The following TMPRSS12 variants were observed in gnomAD, a reference collection of about 807,000 sequenced individuals.
TMPRSS12 encodes transmembrane serine protease 12.
Under a neutral mutation model 26.0 loss-of-function variants are expected in TMPRSS12, and 25 were observed. That is an observed-to-expected ratio of 0.96 (90% CI 0.70 to 1.34). The LOEUF is 1.34. Ranked by LOEUF, TMPRSS12 falls within the 40% of genes most tolerant of loss-of-function variation. TMPRSS12 has a pLI of 0.00. For missense variants in TMPRSS12, 441 were observed against 440.1 expected (o/e 1.00, Z -0.02); for synonymous variants, 150 against 161.7 (o/e 0.93, Z 0.55).
intron 2 of TMPRSS12, among the ~76,000 whole-genome samples, chr12:50,857,802 TGTTGTC>T (rs202205467): frequency 6.8e-6 from 1 of 147,800 alleles, no homozygotes; most frequent in Non-Finnish European, 1.5e-5. Context: ...TTGTTGTTGT[TGTTGTC>T]GTTGTTGTCG....
chr12:50,883,840 C>T (rs1938197991), intron 3 of TMPRSS12, among the ~76,000 whole-genome samples: 2 of 151,950 alleles, frequency 1.3e-5, no homozygotes, highest in Non-Finnish European at 2.9e-5. Context: ...CCCATCCCTA[C>T]CAAAAATAAC....
At chr12:50,860,487 C>T (rs1937924308) in intron 3 of TMPRSS12, among the ~76,000 whole-genome samples, 1 of 152,202 alleles carries the variant, frequency 6.6e-6, no homozygotes, top group Non-Finnish European at 1.5e-5. Context: ...ATAATTATAG[C>T]TCACTGCAGC....
chr12:50,879,402 TAAAA>T (rs532692392), intron 3 of TMPRSS12, among the ~76,000 whole-genome samples: 1 of 152,208 alleles, frequency 6.6e-6, no homozygotes, highest in Non-Finnish European at 1.5e-5. Flanking sequence ...CAGCAGTGTA[TAAAA>T]AAAGATAATA....
rs200494193 is a variant in TMPRSS12, at chr12:50,887,506, C to G, written c.1040C>G (p.Thr347Arg). 1.0e-3 allele frequency: 1,611 copies of G among 1,610,946 alleles called. 8 individuals carry two copies. The highest frequency in any genetic ancestry group is 1.7e-3 in the Middle Eastern group (10 of 6,050). ...IALCFVILLA[T>R]T ...TTATGTTTTGTCATCTTACTAGCAA[C>G]AACATAAAGAAATTCTGAAGGCTTT... The change falls in exon 5 of 5, where the codon ACA becomes AGA. Residue 347 changes from threonine (T) to arginine (R), a missense_variant. By Grantham distance (71) the Thr-to-Arg change is moderately conservative (BLOSUM62 -1). Transcript: ENST00000398458.
intron 3 of TMPRSS12, among the ~76,000 whole-genome samples, chr12:50,876,052 A>G (rs1049257820): frequency 1.3e-5 from 2 of 152,192 alleles, no homozygotes; most frequent in African/African-American, 4.8e-5. Context: ...TAAACAATTG[A>G]ACAGGCCAAA....
At chr12:50,881,306 G>T (rs574275069) in intron 3 of TMPRSS12, among the ~76,000 whole-genome samples, 1 of 152,168 alleles carries the variant, frequency 6.6e-6, no homozygotes, top group South Asian at 2.1e-4. Context: ...TTAAGTGTGG[G>T]GCTGGAGCTG....
chr12:50,882,286 TAAAAAAAAAA>T (rs59323134), intron 3 of TMPRSS12, among the ~76,000 whole-genome samples: 2 of 58,506 alleles, frequency 3.4e-5, no homozygotes, highest in African/African-American at 7.2e-5. Context: ...CCCATCTCTC[TAAAAAAAAAA>T]AAAAAAAAAA....
chr12:50,877,745 G>A (rs1938125952), intron 3 of TMPRSS12, among the ~76,000 whole-genome samples: 1 of 152,158 alleles, frequency 6.6e-6, no homozygotes. Context: ...GAGTAGCTGG[G>A]ATTACAGGCA....
At chr12:50,857,810 TTGTTGTC>T (rs1937894568) in intron 2 of TMPRSS12, among the ~76,000 whole-genome samples, 1 of 121,608 alleles carries the variant, frequency 8.2e-6, no homozygotes, top group Non-Finnish European at 1.7e-5. Flanking sequence ...GTTGTTGTCG[TTGTTGTC>T]GTTGTTGTTG....
chr12:50,885,802 C>A, intron 4 of TMPRSS12: 5 of 350,300 alleles, frequency 1.4e-5, no homozygotes, highest in Middle Eastern at 7.9e-4. Context: ...ATTACAGGCA[C>A]ACATCACTAT....
intron 3 of TMPRSS12, among the ~76,000 whole-genome samples, chr12:50,874,562 G>T (rs1361223503): frequency 6.6e-6 from 1 of 152,096 alleles, no homozygotes; most frequent in East Asian, 1.9e-4. Flanking sequence ...AGAAGTCCTA[G>T]CCATAGCAAT....
In TMPRSS12 at chr12:50,887,477, A is replaced by G; in HGVS notation, c.1011A>G (p.Ile337Met). 6.2e-7 allele frequency: 1 copy of G among 1,613,528 alleles called. No individual in the cohort carries two copies. Among genetic ancestry groups the G allele is most frequent in the Admixed American group, 1.7e-5 (1 of 59,952 alleles). The change falls in exon 5 of 5, where the codon ATA becomes ATG. Residue 337 changes from isoleucine (I) to methionine (M), a missense_variant. Coordinates refer to ENST00000398458, the MANE Select transcript of TMPRSS12 (RefSeq NM_182559.3). ...TINILRGQILIALCFVILLAT... is the reference protein window; with the variant it reads ...TINILRGQILMALCFVILLAT... Reference sequence around the variant, plus strand: ...ATATTTTACGTGGCCAGATCCTCATAGCTTTATGTTTTGTCATCTTACTAG... The same window carrying G: ...ATATTTTACGTGGCCAGATCCTCATGGCTTTATGTTTTGTCATCTTACTAG...
intron 3 of TMPRSS12, 46 bp downstream of exon 3, chr12:50,859,099 G>C: frequency 6.7e-7 from 1 of 1,484,704 alleles, no homozygotes; most frequent in Non-Finnish European, 8.9e-7. Context: ...CCTGATTATG[G>C]GCAGAGGAAG....
intron 3 of TMPRSS12, among the ~76,000 whole-genome samples, chr12:50,867,889 A>G (rs1187686528): frequency 6.6e-6 from 1 of 152,206 alleles, no homozygotes; most frequent in African/African-American, 2.4e-5. Context: ...TCACGTGTAA[A>G]GGAGAGATAG....
intron 4 of TMPRSS12, 30 bp downstream of exon 4, chr12:50,885,418 T>C: frequency 6.2e-7 from 1 of 1,613,446 alleles, no homozygotes; most frequent in Non-Finnish European, 8.5e-7. Flanking sequence ...CTTTAAAATA[T>C]TTTCTGAAGC....
At chr12:50,857,867 C>T (rs1488955452) in intron 2 of TMPRSS12, among the ~76,000 whole-genome samples, 3 of 151,894 alleles carry the variant, frequency 2.0e-5, no homozygotes, top group South Asian at 2.1e-4. Flanking sequence ...CTCGCTCTGT[C>T]GCCCAGGCTG....
chr12:50,882,864 G>A (rs538831849), intron 3 of TMPRSS12, among the ~76,000 whole-genome samples: 3 of 152,164 alleles, frequency 2.0e-5, no homozygotes, highest in East Asian at 1.9e-4. Context: ...CTATACATAC[G>A]CTTCCAAAGA....
chr12:50,882,670 T>G (rs1034433102), intron 3 of TMPRSS12, among the ~76,000 whole-genome samples: 1 of 152,246 alleles, frequency 6.6e-6, no homozygotes, highest in African/African-American at 2.4e-5. Context: ...CAAACTGAAA[T>G]TAATAAATTG....
intron 3 of TMPRSS12, among the ~76,000 whole-genome samples, chr12:50,868,301 A>C (rs1004259109): frequency 2.4e-4 from 36 of 152,192 alleles, no homozygotes; most frequent in Non-Finnish European, 5.3e-4. Context: ...GGAGTGGAAA[A>C]AGGCATTTCA....
Sources: gnomAD v4.1 joint callset for allele counts (sites outside exome capture counted in the v4.1 genomes callset) on GRCh38, gnomAD v4.1.1 for gene constraint, MANE v1.5 for transcripts, NCBI Gene and HGNC (gene_info 2026-07-23, HGNC 2026-07-21) for gene names.